ABCC1: variants seen among roughly 807,000 people sequenced by gnomAD.
The protein encoded by ABCC1 is ATP binding cassette subfamily C member 1 (ABCC1 blood group).
A neutral mutation model predicts 172.9 loss-of-function variants in ABCC1; 83 were observed. The ratio of observed to expected loss-of-function variants is 0.48; its 90% CI spans 0.40 to 0.58. The LOEUF is 0.58. Ranked by LOEUF, ABCC1 falls within the 20% of genes least tolerant of loss-of-function variation. ABCC1 has a pLI of 0.00. For missense variants in ABCC1, 1,817 were observed against 2,002.7 expected (o/e 0.91, Z 1.77); for synonymous variants, 937 against 825.2 (o/e 1.14, Z -2.32).
rs1371027577 is a variant in ABCC1, at chr16:16,111,560, T to C, written c.3057T>C (p.Tyr1019=). 2 of 1,613,518 alleles carry C rather than the reference T, an allele frequency of 1.2e-6. No homozygotes were observed. Among genetic ancestry groups the C allele is most frequent in the Non-Finnish European group, 8.5e-7 (1 of 1,179,986 alleles). ...QEHTKVRLSV[Y]GALGISQGIA... ...ACACGAAAGTCCGGCTGAGCGTCTA[T>C]GGAGCCCTGGGCATTTCACAAGGTT... is the stretch of plus-strand genomic sequence containing the variant. The change falls in exon 22 of 31, where the codon TAT becomes TAC. Residue 1019 remains tyrosine (Y), a synonymous_variant. Coordinates refer to ENST00000399410, the MANE Select transcript of ABCC1 (RefSeq NM_004996.4).
intron 15 of ABCC1, among the ~76,000 whole-genome samples, chr16:16,078,355 T>G (rs1334619672): frequency 6.6e-6 from 1 of 152,150 alleles, no homozygotes; most frequent in Non-Finnish European, 1.5e-5. Context: ...TCTTACTGGG[T>G]GAATGCTGAG....
intron 18 of ABCC1, 33 bp from the exon 19 acceptor site, chr16:16,090,372 A>G (rs1567391866): frequency 2.6e-6 from 4 of 1,547,606 alleles, no homozygotes; most frequent in Non-Finnish European, 3.5e-6. Context: ...ACACATGTGC[A>G]CTCACGTGGC....
At chr16:15,973,238 G>A (rs982046269) in intron 1 of ABCC1, among the ~76,000 whole-genome samples, 6 of 152,054 alleles carry the variant, frequency 3.9e-5, no homozygotes, top group Non-Finnish European at 8.8e-5. Context: ...AGTAAATATA[G>A]CACTACTAAG....
chr16:15,976,003 C>A (rs994404405), intron 1 of ABCC1, among the ~76,000 whole-genome samples: 1 of 152,006 alleles, frequency 6.6e-6, no homozygotes, highest in Non-Finnish European at 1.5e-5. Flanking sequence ...CGGTGGCTTA[C>A]GCCTGTTATC....
intron 1 of ABCC1, among the ~76,000 whole-genome samples, chr16:15,997,412 G>T (rs1309785247): frequency 7.9e-5 from 12 of 152,154 alleles, no homozygotes; most frequent in Non-Finnish European, 1.5e-5. Context: ...TCTCTGTAAA[G>T]ATTTCTGTGG....
chr16:16,079,625 T>C (rs2050727158), intron 16 of ABCC1, 147 bp downstream of exon 16: 1 of 1,075,516 alleles, frequency 9.3e-7, no homozygotes, highest in African/African-American at 1.6e-5. Context: ...ATCTTTCCAC[T>C]GTCTCTTTCT....
rs780032609 is a variant in ABCC1 at position 16,090,370 on chromosome 16, G to A, written c.2461-35G>A. ...CCAAGCTAGGCAGTCTCACACATGT[G>A]CACTCACGTGGCCGGGTGTCCCCTT... On this transcript the variant is annotated intron_variant, in intron 18 of 30. Coordinates refer to ENST00000399410, the MANE Select transcript of ABCC1 (RefSeq NM_004996.4). 28 of 1,545,032 alleles carry A rather than the reference G, an allele frequency of 1.8e-5. No homozygotes were observed. The South Asian group carries it at 3.5e-4, about 19-fold the overall frequency.
chr16:16,079,070 C>G lies in ABCC1; in HGVS notation c.1989-282C>G, dbSNP rs993413168. Among the ~76,000 whole-genome samples the G allele has an allele frequency of 2.2e-4, 33 of 152,212 alleles. 1 individual carries two copies. The highest frequency in any genetic ancestry group is 6.8e-3 in the Middle Eastern group (2 of 294). ...GCCTCTCCGAGGGGCAAAAACTGTT[C>G]CAGAAGCCCACTGTGACAGGATCCC... On this transcript the variant is annotated intron_variant, in intron 15 of 30. Coordinates refer to ENST00000399410, the MANE Select transcript of ABCC1 (RefSeq NM_004996.4).
intron 1 of ABCC1, among the ~76,000 whole-genome samples, chr16:15,968,618 C>T (rs1335459858): frequency 6.6e-6 from 1 of 152,122 alleles, no homozygotes; most frequent in Non-Finnish European, 1.5e-5. Flanking sequence ...CTCAAGTGAT[C>T]CACCTGCCGC....
chr16:15,991,223 G>C (rs8060750), intron 1 of ABCC1, among the ~76,000 whole-genome samples: 16,399 of 151,458 alleles, frequency 0.11, 961 homozygotes, highest in Middle Eastern at 0.15. Flanking sequence ...TGGAATTTGG[G>C]TGTCTCAGGG....
chr16:16,091,463 G>T (rs562772848), intron 19 of ABCC1, among the ~76,000 whole-genome samples: 1 of 148,286 alleles, frequency 6.7e-6, no homozygotes, highest in African/African-American at 2.5e-5. Flanking sequence ...AAACAAAAAA[G>T]ACAATGCCAT....
chr16:15,963,306 C>T (rs559241990), intron 1 of ABCC1, among the ~76,000 whole-genome samples: 11 of 152,328 alleles, frequency 7.2e-5, no homozygotes, highest in East Asian at 1.9e-4. Context: ...CACAGGTTGG[C>T]GTTGAGTGTC....
At position 16,142,553 on chromosome 16, in the gene ABCC1, AC is replaced by A. The variant is rs1173683945; in HGVS notation, c.*1273del. On this transcript the variant is annotated 3_prime_UTR_variant, in exon 31 of 31. Coordinates refer to ENST00000399410, the MANE Select transcript of ABCC1 (RefSeq NM_004996.4). Reference sequence around the variant, plus strand: ...ATTGTGGAGAACTTGATATTTAGTTACTGATGCTCTTCCAGGACACGAAAAG... The same window carrying A: ...ATTGTGGAGAACTTGATATTTAGTTATGATGCTCTTCCAGGACACGAAAAG... 6.6e-6 allele frequency: 1 copy of A among 151,796 alleles called. No individual in the cohort carries two copies. The allele number at this position is 151,796 out of a possible 1,614,324, so 9.4% of individuals were successfully genotyped here. A position where few individuals can be genotyped will look rare whatever the true frequency, so the allele number is the denominator to read the frequency against.
At chr16:16,139,810 G>C (rs1485392313) in intron 30 of ABCC1, among the ~76,000 whole-genome samples, 1 of 152,208 alleles carries the variant, frequency 6.6e-6, no homozygotes, top group Admixed American at 6.5e-5. Flanking sequence ...GGTCATCTCT[G>C]AAGAGGTGAC....
intron 7 of ABCC1, among the ~76,000 whole-genome samples, chr16:16,037,378 T>A (rs2151848322): frequency 6.6e-6 from 1 of 152,344 alleles, no homozygotes; most frequent in Non-Finnish European, 1.5e-5. Context: ...GCACCACCTC[T>A]GTCACTCTTC....
intron 14 of ABCC1, among the ~76,000 whole-genome samples, chr16:16,075,194 C>T (rs975540613): frequency 3.3e-5 from 5 of 152,072 alleles, no homozygotes; most frequent in Non-Finnish European, 5.9e-5. Flanking sequence ...ATCTGCCCGC[C>T]TCGGTCTCCC....
intron 1 of ABCC1, among the ~76,000 whole-genome samples, chr16:15,979,748 T>C (rs543977564): frequency 6.6e-6 from 1 of 152,272 alleles, no homozygotes; most frequent in South Asian, 2.1e-4. Flanking sequence ...AGAGTGACTA[T>C]ATTCAATATT....
At chr16:16,032,854 G>A (rs45468694) in intron 5 of ABCC1, among the ~76,000 whole-genome samples, 66 of 152,328 alleles carry the variant, frequency 4.3e-4, no homozygotes, top group African/African-American at 1.5e-3. Flanking sequence ...TAGAAGACAA[G>A]GCAGGTCTAT....
chr16:16,122,397 A>G (rs912891587), intron 24 of ABCC1, among the ~76,000 whole-genome samples: 2 of 152,156 alleles, frequency 1.3e-5, no homozygotes, highest in Admixed American at 6.5e-5. Context: ...GCAGGGACAC[A>G]GCTCTTCTGG....
Sources: gnomAD v4.1 joint callset for allele counts (sites outside exome capture counted in the v4.1 genomes callset) on GRCh38, gnomAD v4.1.1 for gene constraint, MANE v1.5 for transcripts, NCBI Gene and HGNC (gene_info 2026-07-23, HGNC 2026-07-21) for gene names.